Variants in UNC79 observed in about 807,000 individuals in gnomAD.
The protein encoded by UNC79 is protein unc-79 homolog.
In UNC79, 37 loss-of-function variants were observed where a neutral mutation model predicts 283.1. The observed-to-expected ratio is 0.13, with a 90% confidence interval of 0.10 to 0.17. The LOEUF (loss-of-function observed/expected upper bound fraction) is 0.17, where lower values mean the gene tolerates loss of function less well. Ranked by LOEUF, UNC79 falls within the 10% of genes least tolerant of loss-of-function variation. The pLI is 1.00. For synonymous variants in UNC79, 1,107 were observed against 1,200.2 expected, an observed-to-expected ratio of 0.92 and a Z score of 1.61; for missense variants, 2,272 against 3,211.1, an observed-to-expected ratio of 0.71 and a Z score of 7.07.
chr14:93,619,408 G>A (rs1435184723), intron 29 of UNC79, among the ~76,000 whole-genome samples: 1 of 152,132 alleles, frequency 6.6e-6, no homozygotes, highest in Non-Finnish European at 1.5e-5. Context: ...AGTGTTCAAT[G>A]CATTTTGAAA....
At chr14:93,528,715 C>T in intron 9 of UNC79, 69 bp downstream of exon 9, 1 of 1,444,420 alleles carries the variant, frequency 6.9e-7, no homozygotes. Context: ...ATCATTTGGA[C>T]TTAAATTAGT....
intron 1 of UNC79, among the ~76,000 whole-genome samples, chr14:93,443,856 A>G (rs1405861238): frequency 6.6e-6 from 1 of 152,092 alleles, no homozygotes; most frequent in Non-Finnish European, 1.5e-5. Context: ...TTATCCATTC[A>G]CCAGTTGATA....
intron 7 of UNC79, among the ~76,000 whole-genome samples, chr14:93,498,145 G>A (rs576573137): frequency 0.43 from 1,724 of 4,012 alleles, 6 homozygotes; most frequent in African/African-American, 0.5. Context: ...GCTTGTGCCT[G>A]TAATCCAGCT....
At chr14:93,542,443 G>A (rs779498454) in intron 13 of UNC79, 23 bp from the exon 14 acceptor site, 5 of 1,598,226 alleles carry the variant, frequency 3.1e-6, no homozygotes, top group South Asian at 1.1e-5. Context: ...AGCCGAACAA[G>A]GTTCTAATCT....
chr14:93,665,163 A>G (rs188618756), intron 40 of UNC79, among the ~76,000 whole-genome samples: 3 of 149,838 alleles, frequency 2.0e-5, no homozygotes, highest in Admixed American at 6.6e-5. Flanking sequence ...CTAAATGACT[A>G]TACTTTAAAT....
chr14:93,528,382 T>C (rs957930818), intron 8 of UNC79, among the ~76,000 whole-genome samples, 176 bp from the exon 9 acceptor site: 20 of 152,300 alleles, frequency 1.3e-4, no homozygotes, highest in African/African-American at 4.3e-4. Flanking sequence ...ATCCTCAGGG[T>C]GGACTCATCA....
At chr14:93,686,691 A>C in intron 43 of UNC79, 30 bp downstream of exon 46, 1 of 1,612,588 alleles carries the variant, frequency 6.2e-7, no homozygotes, top group Non-Finnish European at 8.5e-7. Flanking sequence ...CTCATCCCTC[A>C]GGTTCACAAA....
chr14:93,542,588 G>A, exon 14 of UNC79: 1 of 1,614,178 alleles, frequency 6.2e-7, no homozygotes, highest in South Asian at 1.1e-5. Flanking sequence ...GAAGTCTGGT[G>A]GAAAAGCTGA....
chr14:93,520,712 T>C (rs2060282899), intron 7 of UNC79, among the ~76,000 whole-genome samples: 1 of 152,014 alleles, frequency 6.6e-6, no homozygotes, highest in Non-Finnish European at 1.5e-5. Flanking sequence ...TTAAGCCCAT[T>C]CAGTGAGTTT....
intron 34 of UNC79, 31 bp downstream of exon 37, chr14:93,643,728 G>A (rs751071915): frequency 1.2e-6 from 2 of 1,609,696 alleles, no homozygotes; most frequent in East Asian, 2.2e-5. Flanking sequence ...TGTTTGGTAG[G>A]AAGGTCCTTT....
chr14:93,577,090 C>T (rs2063518212), intron 17 of UNC79, among the ~76,000 whole-genome samples: 1 of 151,948 alleles, frequency 6.6e-6, no homozygotes, highest in African/African-American at 2.4e-5. Flanking sequence ...GTCCCAGCTA[C>T]TTGGGAGGCT....
chr14:93,390,498 C>T (rs1257425680), intron 1 of UNC79, among the ~76,000 whole-genome samples: 5 of 152,046 alleles, frequency 3.3e-5, no homozygotes, highest in Admixed American at 3.3e-4. Context: ...AAGAGAAATA[C>T]AAATTGGAAA....
At chr14:93,347,213 C>T in intron 1 of UNC79, 1 of 1,518,798 alleles carries the variant, frequency 6.6e-7, no homozygotes, top group Non-Finnish European at 8.9e-7. Flanking sequence ...GCTTGCGTTA[C>T]TTGGCCTCAC....
At chr14:93,357,775 G>GTGGATATATGGATATATATATA (rs1555398845) in intron 1 of UNC79, among the ~76,000 whole-genome samples, 2 of 78,738 alleles carry the variant, frequency 2.5e-5, no homozygotes, top group African/African-American at 1.6e-4. Context: ...ATATGGATAT[G>GTGGATATATGGATATATATATA]TGGATATATG....
At chr14:93,580,504 A>G (rs962175996) in intron 19 of UNC79, 128 bp downstream of exon 19, 4 of 980,658 alleles carry the variant, frequency 4.1e-6, no homozygotes. Context: ...ACTGTGTTAA[A>G]AGAAACTTTT....
At chr14:93,410,734 A>G (rs1566918577) in intron 1 of UNC79, among the ~76,000 whole-genome samples, 1 of 152,118 alleles carries the variant, frequency 6.6e-6, no homozygotes, top group Non-Finnish European at 1.5e-5. Flanking sequence ...CCTTGAAGGG[A>G]AAGACCCAGT....
intron 22 of UNC79, among the ~76,000 whole-genome samples, chr14:93,587,786 G>A (rs140467925): frequency 2.0e-3 from 304 of 152,300 alleles, no homozygotes; most frequent in African/African-American, 6.9e-3. Context: ...AAGATTCATG[G>A]TCATGTATAT....
intron 1 of UNC79, among the ~76,000 whole-genome samples, chr14:93,382,510 A>T (rs947226350): frequency 6.6e-6 from 1 of 152,208 alleles, no homozygotes; most frequent in African/African-American, 2.4e-5. Context: ...TATAGTCCCT[A>T]CAAAATAGGG....
At chr14:93,705,010 G>A (rs1366763395) in intron 48 of UNC79, among the ~76,000 whole-genome samples, 2 of 152,102 alleles carry the variant, frequency 1.3e-5, no homozygotes, top group African/African-American at 4.8e-5. Flanking sequence ...CATTGTGGGA[G>A]GTTTGCTTGA....
Sources: allele counts gnomAD v4.1 joint callset (sites outside exome capture counted in the v4.1 genomes callset), GRCh38; gene constraint gnomAD v4.1.1; transcripts MANE v1.5; gene names NCBI Gene and HGNC (gene_info 2026-07-23, HGNC 2026-07-21).